Variants in TENM2 observed in about 807,000 individuals in gnomAD.
TENM2 encodes teneurin-2.
A neutral mutation model predicts 245.2 loss-of-function variants in TENM2; 52 were observed. That is an observed-to-expected ratio of 0.21 (90% CI 0.17 to 0.27). TENM2 has a LOEUF of 0.27. Among genes scored for constraint, TENM2 ranks in the 10% least tolerant of loss-of-function variants. The pLI is 1.00. For synonymous variants in TENM2, 1,363 were observed against 1,438.9 expected, an observed-to-expected ratio of 0.95 and a Z score of 1.19; for missense variants, 3,046 against 3,666.8, an observed-to-expected ratio of 0.83 and a Z score of 4.37.
Position 167,710,645 on chromosome 5 carries a change from T to G in TENM2, c.503-165341T>G, listed in dbSNP as rs115425056. ...CATGACATAAATTAGGAAGTAAAAC[T>G]AGGAAAGCAGTAGGGAAAGATGAAA... On this transcript the variant is annotated intron_variant, in intron 2 of 28. Transcript: ENST00000518659. Among the ~76,000 whole-genome samples, 3 of 152,196 alleles carry G rather than the reference T, an allele frequency of 2.0e-5. No individual in the cohort carries two copies. In the East Asian group the frequency reaches 5.8e-4, roughly 29 times the overall value.
chr5:167,735,266 T>C (rs1760718695), intron 2 of TENM2, among the ~76,000 whole-genome samples: 1 of 152,188 alleles, frequency 6.6e-6, no homozygotes, highest in Admixed American at 6.6e-5. Context: ...AAAAAAACTA[T>C]GTCAAGATAT....
At chr5:167,721,806 T>A (rs2150520823) in intron 2 of TENM2, among the ~76,000 whole-genome samples, 2 of 152,338 alleles carry the variant, frequency 1.3e-5, no homozygotes, top group Non-Finnish European at 2.9e-5. Context: ...TTGTTGGGAA[T>A]TCATGATTCT....
chr5:167,831,107 TTTC>T (rs955352853), intron 2 of TENM2, among the ~76,000 whole-genome samples: 11 of 152,136 alleles, frequency 7.2e-5, no homozygotes, highest in African/African-American at 2.2e-4. Flanking sequence ...TCTTCCTCTT[TTTC>T]TTCTTCTTCT....
intron 8 of TENM2, among the ~76,000 whole-genome samples, chr5:168,097,511 G>T (rs1479872131): frequency 6.6e-6 from 1 of 152,134 alleles, no homozygotes; most frequent in African/African-American, 2.4e-5. Flanking sequence ...TGCAACCTCT[G>T]CCTCCTGGGT....
chr5:167,664,668 G>C (rs1755454207), intron 2 of TENM2, among the ~76,000 whole-genome samples: 1 of 152,148 alleles, frequency 6.6e-6, no homozygotes, highest in Admixed American at 6.5e-5. Flanking sequence ...TATAGAAATA[G>C]GTTACTTAGA....
At chr5:167,509,518 C>T (rs1049766752) in intron 2 of TENM2, among the ~76,000 whole-genome samples, 8 of 151,828 alleles carry the variant, frequency 5.3e-5, no homozygotes, top group African/African-American at 1.9e-4. Flanking sequence ...TACTTTTGTT[C>T]GATTATTTCT....
intron 2 of TENM2, among the ~76,000 whole-genome samples, chr5:167,569,548 A>G (rs977708779): frequency 2.6e-5 from 4 of 152,150 alleles, no homozygotes; most frequent in African/African-American, 9.7e-5. Context: ...TGGCTTTGCC[A>G]TTTGCTCCTT....
rs138311218 is a variant in TENM2 at position 167,776,443 on chromosome 5, A to C, written c.503-99543A>C. Among the ~76,000 whole-genome samples the C allele has an allele frequency of 1.0e-2, 1,514 of 151,614 alleles. 21 individuals are homozygous for C. The highest frequency in any genetic ancestry group is 0.028 in the African/African-American group (1,157 of 41,362). ...GAGACCCCATCTCTACAAAAATACA[A>C]AAATTAGCTGAGCGTGGTGGCGTAT... On this transcript the variant is annotated intron_variant, in intron 2 of 28. Transcript: ENST00000518659.
At chr5:168,039,114 C>T (rs7714553) in intron 5 of TENM2, among the ~76,000 whole-genome samples, 15,752 of 152,176 alleles carry the variant, frequency 0.1, 945 homozygotes, top group East Asian at 0.26. Flanking sequence ...CTATTTTTCA[C>T]GAGAGAGTTC....
chr5:167,074,990 A>C, the TENM2 span, among the ~76,000 whole-genome samples: 1 of 152,178 alleles, frequency 6.6e-6, no homozygotes, highest in Non-Finnish European at 1.5e-5. Flanking sequence ...CCCTGGTGCC[A>C]CTTGCTGTCG....
chr5:167,916,125 G>A (rs1333568142), intron 3 of TENM2, among the ~76,000 whole-genome samples: 4 of 152,162 alleles, frequency 2.6e-5, no homozygotes, highest in African/African-American at 7.2e-5. Flanking sequence ...ATGGATTATC[G>A]CATGAGTTTG....
chr5:167,727,424 C>A (rs995523575), intron 2 of TENM2, among the ~76,000 whole-genome samples: 2 of 152,156 alleles, frequency 1.3e-5, no homozygotes, highest in Non-Finnish European at 2.9e-5. Flanking sequence ...CCGTTAATTT[C>A]TTGACATTGT....
At chr5:167,002,362 G>C in the TENM2 span, among the ~76,000 whole-genome samples, 5 of 152,178 alleles carry the variant, frequency 3.3e-5, no homozygotes, top group Non-Finnish European at 7.3e-5. Flanking sequence ...GTTGCAGTGT[G>C]TCTAGATCGT....
Position 167,926,295 on chromosome 5 carries a change from C to CAT in TENM2, c.713-26281_713-26280dup, listed in dbSNP as rs751339678. The stretch of plus-strand genomic sequence containing the variant: ...TGTTGAATTCCTCTCTGTTGTTTTG[C>CAT]ATATATATATATAATTAAATACTCC... On this transcript the variant is annotated intron_variant, in intron 3 of 28. Coordinates refer to ENST00000518659, the Ensembl canonical transcript of TENM2. Among the ~76,000 whole-genome samples, 181 of 151,546 alleles carry CAT rather than the reference C, an allele frequency of 1.2e-3. 1 individual carries two copies. Among genetic ancestry groups the CAT allele is most frequent in the South Asian group, 4.0e-3 (19 of 4,782 alleles).
rs554347986 is a variant in TENM2, at chr5:168,171,592, A to G, written c.2569+8835A>G. On this transcript the variant is annotated intron_variant, in intron 13 of 28. Coordinates refer to ENST00000518659, the Ensembl canonical transcript of TENM2. ...ATTAGTTGTGTTCTTTTTTAAAAAA[A>G]GGGGTTTAAAGTTTATAATTTACCC... Among the ~76,000 whole-genome samples, 8 of 152,326 alleles carry G rather than the reference A, an allele frequency of 5.3e-5. No individual in the cohort carries two copies. The South Asian group carries it at 1.5e-3, about 28-fold the overall frequency.
chr5:167,756,690 G>A (rs1472652121), intron 2 of TENM2, among the ~76,000 whole-genome samples: 2 of 152,150 alleles, frequency 1.3e-5, no homozygotes, highest in African/African-American at 2.4e-5. Flanking sequence ...ATTTCAACAA[G>A]CATAGTGTTC....
the TENM2 span, among the ~76,000 whole-genome samples, chr5:167,077,694 C>T: frequency 3.6e-4 from 55 of 152,174 alleles, no homozygotes; most frequent in African/African-American, 1.3e-3. Flanking sequence ...TGTTTGTCAA[C>T]TACCATTGGG....
intron 4 of TENM2, among the ~76,000 whole-genome samples, chr5:167,983,283 A>C (rs1487175725): frequency 1.3e-5 from 2 of 152,196 alleles, no homozygotes; most frequent in African/African-American, 4.8e-5. Flanking sequence ...CTTGCCTGTC[A>C]CACTGAGCAG....
chr5:167,768,314 G>T (rs1164473852), intron 2 of TENM2, among the ~76,000 whole-genome samples: 15 of 152,054 alleles, frequency 9.9e-5, no homozygotes, highest in Admixed American at 9.8e-4. Context: ...CCACTAGAAA[G>T]GTTAAGAATG....
Sources: allele counts gnomAD v4.1 joint callset (sites outside exome capture counted in the v4.1 genomes callset), GRCh38; gene constraint gnomAD v4.1.1; transcripts MANE v1.5; gene names NCBI Gene and HGNC (gene_info 2026-07-23, HGNC 2026-07-21).